AXDND1: variants seen among roughly 807,000 people sequenced by gnomAD.
The protein encoded by AXDND1 is axonemal dynein light chain domain containing 1.
Under a neutral mutation model 137.5 loss-of-function variants are expected in AXDND1, and 110 were observed. The ratio of observed to expected loss-of-function variants is 0.80; its 90% CI spans 0.69 to 0.94. The LOEUF is 0.94. AXDND1 is among the 40% of genes least tolerant of loss of function. AXDND1 has a pLI of 0.00. For missense variants in AXDND1, 1,191 were observed against 1,169.8 expected (o/e 1.02, Z -0.26); for synonymous variants, 414 against 399.7 (o/e 1.04, Z -0.43).
Position 179,414,714 on chromosome 1 carries a change from C to T in AXDND1, c.1230+3448C>T, listed in dbSNP as rs147827493. 3.4e-3 allele frequency among the ~76,000 whole-genome samples: 521 copies of T among 152,226 alleles called. 4 individuals carry two copies. Among genetic ancestry groups the T allele is most frequent in the African/African-American group, 0.012 (484 of 41,520 alleles). On this transcript the variant is annotated intron_variant, in intron 12 of 25. Coordinates refer to ENST00000367618, the MANE Select transcript of AXDND1 (RefSeq NM_144696.6). ...TGCTGGGATTACAAGTGTGAGCCAC[C>T]GCGCCCGGCCAAATTAATCTTTAAA...
intron 25 of AXDND1, chr1:179,551,447 A>G: frequency 6.2e-7 from 1 of 1,613,136 alleles, no homozygotes; most frequent in Admixed American, 1.7e-5. Flanking sequence ...TTCTGCAGCA[A>G]TCATCTAGAA....
At chr1:179,489,275 T>G (rs1170880541) in intron 18 of AXDND1, among the ~76,000 whole-genome samples, 2 of 152,200 alleles carry the variant, frequency 1.3e-5, no homozygotes, top group Non-Finnish European at 2.9e-5. Flanking sequence ...ATTCTTTGTT[T>G]TTAATTTATT....
At chr1:179,372,556 T>C (rs772628854) in intron 4 of AXDND1, among the ~76,000 whole-genome samples, 7 of 151,716 alleles carry the variant, frequency 4.6e-5, no homozygotes, top group Non-Finnish European at 8.8e-5. Context: ...TATTATGTTA[T>C]GATTAAGAAT....
At chr1:179,383,939 G>T (rs1353009594) in intron 8 of AXDND1, among the ~76,000 whole-genome samples, 1 of 152,126 alleles carries the variant, frequency 6.6e-6, no homozygotes, top group Non-Finnish European at 1.5e-5. Context: ...TGGCCAGGCT[G>T]TTCTCAAACT....
chr1:179,390,250 G>A (rs573346411), intron 9 of AXDND1, among the ~76,000 whole-genome samples: 1 of 152,264 alleles, frequency 6.6e-6, no homozygotes, highest in African/African-American at 2.4e-5. Flanking sequence ...CTGGCCTCAA[G>A]TGATCTACCT....
intron 4 of AXDND1, among the ~76,000 whole-genome samples, chr1:179,375,481 A>T (rs1668497845): frequency 2.1e-5 from 3 of 144,066 alleles, no homozygotes; most frequent in African/African-American, 2.5e-5. Flanking sequence ...AATTATATAA[A>T]ATATATATAA....
Position 179,551,175 on chromosome 1 carries a change from A to G in AXDND1, c.3032-3337A>G, listed in dbSNP as rs1180236778. 1.9e-6 allele frequency: 3 copies of G among 1,613,848 alleles called. No homozygotes were observed. Among genetic ancestry groups the G allele is most frequent in the Non-Finnish European group, 2.5e-6 (3 of 1,180,004 alleles). ...AGTCACATTATGCCCCATCCTTCCT[A>G]TAACATGGGAGAGTCTTTCTTTTTA... is the stretch of plus-strand genomic sequence containing the variant. On this transcript the variant is annotated intron_variant, in intron 25 of 25. Coordinates refer to ENST00000367618, the MANE Select transcript of AXDND1 (RefSeq NM_144696.6).
rs777693234 is a variant in AXDND1 at position 179,491,744 on chromosome 1, C to T, written c.2291+7C>T. 1.4e-5 allele frequency: 21 copies of T among 1,529,306 alleles called. No homozygotes were observed. The highest frequency in any genetic ancestry group is 4.4e-5 in the Admixed American group (2 of 45,942). The allele number at this position is 1,529,306 out of a possible 1,614,324, so 94.7% of individuals were successfully genotyped here. A position where few individuals can be genotyped will look rare whatever the true frequency, so the allele number is the denominator to read the frequency against. ...ACTCCAGCTATTTGAGCAGGTGAAG[C>T]GGTTATTTTATTGTTGCCCTTTTGA... On this transcript the variant is annotated splice_region_variant and intron_variant, in intron 19 of 25. Coordinates refer to ENST00000367618, the MANE Select transcript of AXDND1 (RefSeq NM_144696.6).
At chr1:179,440,895 A>G (rs1248122532) in intron 15 of AXDND1, among the ~76,000 whole-genome samples, 1 of 152,250 alleles carries the variant, frequency 6.6e-6, no homozygotes, top group Non-Finnish European at 1.5e-5. Flanking sequence ...TGTGAGCTCT[A>G]AAACCTGAAT....
chr1:179,484,552 T>A (rs2125547108), intron 18 of AXDND1, among the ~76,000 whole-genome samples: 1 of 152,240 alleles, frequency 6.6e-6, no homozygotes, highest in East Asian at 1.9e-4. Context: ...GCTCCTGTAC[T>A]GGCAGACCAT....
intron 12 of AXDND1, among the ~76,000 whole-genome samples, chr1:179,416,155 TC>T (rs1382552435): frequency 6.6e-6 from 1 of 152,200 alleles, no homozygotes; most frequent in East Asian, 1.9e-4. Flanking sequence ...TGTGATCCAC[TC>T]TTTTAGCTCC....
At chr1:179,435,756 A>G (rs1658063432) in intron 15 of AXDND1, among the ~76,000 whole-genome samples, 1 of 152,218 alleles carries the variant, frequency 6.6e-6, no homozygotes. Flanking sequence ...TCTAGGCAAT[A>G]CCATTCAGGA....
At chr1:179,375,098 TAA>T (rs953547954) in intron 4 of AXDND1, among the ~76,000 whole-genome samples, 1 of 148,478 alleles carries the variant, frequency 6.7e-6, no homozygotes, top group African/African-American at 2.5e-5. Context: ...TCTTTATTAA[TAA>T]AAAAAAAATT....
intron 20 of AXDND1, chr1:179,506,937 G>A (rs986830357): frequency 3.1e-6 from 3 of 980,566 alleles, no homozygotes; most frequent in Non-Finnish European, 3.6e-6. Context: ...GTAAATTCAA[G>A]CCCCAGCTTT....
At chr1:179,473,035 C>G (rs924539058) in intron 17 of AXDND1, among the ~76,000 whole-genome samples, 3 of 151,888 alleles carry the variant, frequency 2.0e-5, no homozygotes, top group African/African-American at 7.3e-5. Flanking sequence ...TTTACCTCTG[C>G]CATCTTACTG....
intron 22 of AXDND1, among the ~76,000 whole-genome samples, chr1:179,526,494 G>A (rs938448733): frequency 6.6e-6 from 1 of 152,276 alleles, no homozygotes; most frequent in East Asian, 1.9e-4. Context: ...AAGACCCCTT[G>A]CTAATTCTTA....
In AXDND1 at chr1:179,418,004, T is replaced by TA. The variant is rs1421924041; in HGVS notation, c.1230+6738_1230+6739insA. ...TTTTTATTTTATTTATTTATTTATT[T>TA]TTTTATTGATCATTCTTGGGTGTTT... On this transcript the variant is annotated intron_variant, in intron 12 of 25. Coordinates refer to ENST00000367618, the MANE Select transcript of AXDND1 (RefSeq NM_144696.6). Among the ~76,000 whole-genome samples, 1,191 of 150,952 alleles carry TA rather than the reference T, an allele frequency of 7.9e-3. 29 individuals are homozygous for TA. Among genetic ancestry groups the TA allele is most frequent in the Admixed American group, 0.046 (684 of 14,962 alleles).
chr1:179,415,990 T>C (rs990398228), intron 12 of AXDND1, among the ~76,000 whole-genome samples: 15 of 152,224 alleles, frequency 9.9e-5, no homozygotes, highest in African/African-American at 3.4e-4. Context: ...CAATAGATTG[T>C]TGTAAACTAT....
At chr1:179,534,497 T>C (rs891718022) in intron 24 of AXDND1, 4 of 388,678 alleles carry the variant, frequency 1.0e-5, no homozygotes, top group Non-Finnish European at 1.8e-5. Context: ...CAGATTTTAC[T>C]AAGAAGTGAT....
Sources: gnomAD v4.1 joint callset for allele counts (sites outside exome capture counted in the v4.1 genomes callset) on GRCh38, gnomAD v4.1.1 for gene constraint, MANE v1.5 for transcripts, NCBI Gene and HGNC (gene_info 2026-07-23, HGNC 2026-07-21) for gene names.